The following RGMA variants were observed in gnomAD, a reference collection of about 807,000 sequenced individuals.
RGMA encodes the protein repulsive guidance molecule A.
In RGMA, 10 loss-of-function variants were observed where a neutral mutation model predicts 23.2. The observed-to-expected ratio is 0.43, with a 90% CI of 0.27 to 0.73. The LOEUF (loss-of-function observed/expected upper bound fraction) is 0.73, where lower values mean the gene tolerates loss of function less well. Among genes scored for constraint, RGMA ranks in the 30% least tolerant of loss-of-function variants. The probability of loss-of-function intolerance (pLI) is 0.20; values close to 1 mark genes in which losing one functional copy is unlikely to be tolerated. For synonymous variants in RGMA, 308 were observed against 279.3 expected (o/e 1.10, Z -1.03); for missense variants, 547 against 630.5 (o/e 0.87, Z 1.42).
intron 2 of RGMA, among the ~76,000 whole-genome samples, chr15:93,067,666 G>C (rs1895200278): frequency 6.6e-6 from 1 of 151,956 alleles, no homozygotes; most frequent in Admixed American, 6.6e-5. Flanking sequence ...TGGTGGGGTG[G>C]TATATGGGGA....
intron 2 of RGMA, among the ~76,000 whole-genome samples, chr15:93,060,621 G>A (rs952576931): frequency 1.3e-5 from 2 of 152,228 alleles, no homozygotes; most frequent in African/African-American, 4.8e-5. Flanking sequence ...GAGCAATCCA[G>A]GCCAGAGCTC....
chr15:93,066,675 C>G (rs1021651766), intron 2 of RGMA: 4 of 389,694 alleles, frequency 1.0e-5, no homozygotes, highest in Non-Finnish European at 2.0e-5. Flanking sequence ...AGTACCGGCC[C>G]CCGCCGCCGC....
chr15:93,068,993 C>A (rs576156178), intron 2 of RGMA, among the ~76,000 whole-genome samples: 1 of 152,188 alleles, frequency 6.6e-6, no homozygotes, highest in Non-Finnish European at 1.5e-5. Flanking sequence ...TATAAGCCAC[C>A]CACTTATGGT....
chr15:93,076,075 T>C (rs1367052397), intron 1 of RGMA, among the ~76,000 whole-genome samples: 1 of 152,236 alleles, frequency 6.6e-6, no homozygotes, highest in Non-Finnish European at 1.5e-5. Context: ...CCGTTCGCCA[T>C]AGAAACTCAT....
chr15:93,054,879 AG>A (rs1313032326), intron 2 of RGMA, among the ~76,000 whole-genome samples: 1 of 152,138 alleles, frequency 6.6e-6, no homozygotes, highest in East Asian at 1.9e-4. Flanking sequence ...AAGATGTGCA[AG>A]GGCCCAACCT....
chr15:93,063,530 ACT>A (rs1424973158), intron 2 of RGMA, among the ~76,000 whole-genome samples: 1 of 152,062 alleles, frequency 6.6e-6, no homozygotes, highest in Non-Finnish European at 1.5e-5. Flanking sequence ...CAGGAATTTC[ACT>A]CTGTCATCCT....
Position 93,045,565 on chromosome 15 carries a change from A to G in RGMA, c.786T>C (p.Thr262=). 1 of 1,613,162 alleles carries G rather than the reference A, an allele frequency of 6.2e-7. No homozygotes were observed. Residue 262 remains threonine, a synonymous_variant, in exon 4 of 4, where the codon ACT becomes ACC. Transcript: ENST00000329082. The surrounding 1 kb of genome is among the most constrained non-coding windows in gnomAD (Gnocchi z 6.9). ...DKHGANSLKI[T]EKVSGQHVEI... is the part of the protein sequence containing the mutation. ...CCACGTGCTGGCCTGACACCTTCTCAGTGATCTTCAGGCTGTTGGCCCCGT... is the reference window on the plus strand; with the variant it reads ...CCACGTGCTGGCCTGACACCTTCTCGGTGATCTTCAGGCTGTTGGCCCCGT...
rs775246687 is a variant in RGMA at position 93,066,164 on chromosome 15, C to T, written c.130+6752G>A. The stretch of plus-strand genomic sequence containing the variant: ...TCCCCGGGCCCAGTTACATTAGCGG[C>T]TTCTGCACCCTTCTCTCCTTCCACG... On this transcript the variant is annotated intron_variant, in intron 2 of 3. Coordinates refer to ENST00000329082, the MANE Select transcript of RGMA (RefSeq NM_020211.3). The T allele has an allele frequency of 2.9e-4, 403 of 1,366,374 alleles. 1 individual carries two copies. The highest frequency in any genetic ancestry group is 5.7e-4 in the South Asian group (48 of 84,692). The allele number at this position is 1,366,374 out of a possible 1,614,324, so 84.6% of individuals were successfully genotyped here.
Position 93,048,515 on chromosome 15 carries a change from A to G in RGMA, c.646-2810T>C, listed in dbSNP as rs1274941258. 2.0e-5 allele frequency among the ~76,000 whole-genome samples: 3 copies of G among 152,194 alleles called. No individual in the cohort carries two copies. The East Asian group carries it at 5.8e-4, about 29-fold the overall frequency. On this transcript the variant is annotated intron_variant, in intron 3 of 3. Coordinates refer to ENST00000329082, the MANE Select transcript of RGMA (RefSeq NM_020211.3). ...AGGACCCCAAGCGCACAGTTCCTTGAGGACCGGACTCGATTTCCTCGCATC... is the reference window on the plus strand; with the variant it reads ...AGGACCCCAAGCGCACAGTTCCTTGGGGACCGGACTCGATTTCCTCGCATC...
intron 3 of RGMA, among the ~76,000 whole-genome samples, chr15:93,050,888 C>T (rs568256901): frequency 2.6e-4 from 39 of 152,150 alleles, no homozygotes; most frequent in Non-Finnish European, 4.7e-4. Flanking sequence ...TCCTGGCGTC[C>T]GTCTGTCTTG....
rs77567864 is a variant in RGMA at position 93,064,121 on chromosome 15, TGA to T, written c.130+8793_130+8794del. On this transcript the variant is annotated intron_variant, in intron 2 of 3. Transcript: ENST00000329082. ...CAGACCACGGGCAAGTAGGATGGTG[TGA>T]GAGTGTGGTGTTCACCCTCTGGCCA... 9.8e-3 allele frequency among the ~76,000 whole-genome samples: 1,489 copies of T among 152,224 alleles called. 82 individuals carry two copies. Among genetic ancestry groups the T allele is most frequent in the Admixed American group, 0.086 (1,313 of 15,286 alleles).
intron 2 of RGMA, among the ~76,000 whole-genome samples, chr15:93,062,226 A>G (rs556650943): frequency 1.1e-4 from 16 of 152,320 alleles, no homozygotes; most frequent in East Asian, 1.9e-4. Context: ...GGACCCTTCT[A>G]TGTGCCGGGC....
chr15:93,073,014 G>A lies in RGMA; in HGVS notation c.32C>T (p.Thr11Ile). Residue 11 changes from threonine (T) to isoleucine (I), a missense_variant, in exon 2 of 4, where the codon ACA becomes ATA. By Grantham distance (89) the Thr-to-Ile change is moderately conservative. Transcript: ENST00000329082. ...CATACCCATCCATCCAGCTCGGCCT[G>A]TTACCACTAGCCTCTCCCTGGAAGA... MQPPRERLVVTGRAGWMGMGR... is the reference protein window; with the variant it reads MQPPRERLVVIGRAGWMGMGR... The A allele has an allele frequency of 1.9e-6, 3 of 1,608,770 alleles. No homozygotes were observed. The highest frequency in any genetic ancestry group is 2.5e-6 in the Non-Finnish European group (3 of 1,177,852).
rs557779583 is a variant in RGMA, at chr15:93,044,582, G to A, written c.*416C>T. ...CTCTCGTGTAAGAGTGTGTGCGTGC[G>A]TGTGGCGGGCACAGGGGGCCCCACG... On this transcript the variant is annotated 3_prime_UTR_variant, in exon 4 of 4. Transcript: ENST00000329082. 34 of 249,048 alleles carry A rather than the reference G, an allele frequency of 1.4e-4. 1 individual carries two copies. The East Asian group carries it at 2.4e-3, about 18-fold the overall frequency. 15.4% of individuals were successfully genotyped at this position (249,048 alleles called of 1,614,324 possible).
At chr15:93,047,381 A>C (rs2054840830) in intron 3 of RGMA, among the ~76,000 whole-genome samples, 1 of 152,122 alleles carries the variant, frequency 6.6e-6, no homozygotes, top group South Asian at 2.1e-4. Context: ...CCCTGGACCA[A>C]GGGCAGCTGG....
In RGMA at chr15:93,042,263, C is replaced by T. The variant is rs1274040028; in HGVS notation, c.*2735G>A. ...TCTTGGGACTCCTCCCCTTGCTAGC[C>T]TGCAGGTTCACCTCTCCCAAGAGTC... is the stretch of plus-strand genomic sequence containing the variant. On this transcript the variant is annotated 3_prime_UTR_variant, in exon 4 of 4. Transcript: ENST00000329082. 4 of 152,266 alleles carry T rather than the reference C, an allele frequency of 2.6e-5. No homozygotes were observed. The highest frequency in any genetic ancestry group is 5.9e-5 in the Non-Finnish European group (4 of 68,068). The allele number at this position is 152,266 out of a possible 1,614,324, so 9.4% of individuals were successfully genotyped here. A position where few individuals can be genotyped will look rare whatever the true frequency, so the allele number is the denominator to read the frequency against.
chr15:93,088,838 C>A, intron 1 of RGMA, 81 bp downstream of exon 1: 1 of 1,307,214 alleles, frequency 7.6e-7, no homozygotes, highest in Non-Finnish European at 1.0e-6. Flanking sequence ...AAGACCAAAG[C>A]AGCGCCGTGG....
At chr15:93,049,369 C>T (rs181935855) in intron 3 of RGMA, among the ~76,000 whole-genome samples, 5 of 152,292 alleles carry the variant, frequency 3.3e-5, no homozygotes, top group Admixed American at 3.3e-4. Flanking sequence ...GAAAACTAAC[C>T]AGCGGGGAAA....
chr15:93,076,433 C>A (rs1012893257), intron 1 of RGMA, among the ~76,000 whole-genome samples: 2 of 152,124 alleles, frequency 1.3e-5, no homozygotes, highest in Non-Finnish European at 2.9e-5. Context: ...AATCTAGGGC[C>A]TGAGTCATCA....
Sources: gnomAD v4.1 joint callset for allele counts (sites outside exome capture counted in the v4.1 genomes callset) on GRCh38, gnomAD v4.1.1 for gene constraint, Gnocchi (gnomAD v3.1) non-coding constraint, MANE v1.5 for transcripts, NCBI Gene and HGNC (gene_info 2026-07-23, HGNC 2026-07-21) for gene names.